AKT3: variants seen among roughly 807,000 people sequenced by gnomAD.
AKT3 encodes RAC-gamma serine/threonine-protein kinase.
In AKT3, 15 loss-of-function variants were observed where a neutral mutation model predicts 65.3. The observed-to-expected ratio is 0.23, with a 90% CI of 0.15 to 0.35. AKT3 has a LOEUF of 0.35. Among genes scored for constraint, AKT3 ranks in the 10% least tolerant of loss-of-function variants. The pLI, the probability that AKT3 is intolerant of heterozygous loss-of-function variation, is 1.00. For synonymous variants in AKT3, 206 were observed against 183.8 expected (o/e 1.12, Z -0.98); for missense variants, 243 against 576.5 (o/e 0.42, Z 5.92).
chr1:243,500,436 A>G lies in AKT3; in HGVS notation c.*4813T>C. The G allele has an allele frequency of 4.4e-6, 1 of 226,378 alleles. No individual in the cohort carries two copies. Among genetic ancestry groups the G allele is most frequent in the Non-Finnish European group, 8.8e-6 (1 of 113,938 alleles). 14.0% of individuals were successfully genotyped at this position (226,378 alleles called of 1,614,324 possible). ...TTTTCTTCAATACGCAGTATTTGAG[A>G]GGAGCCTAAAAACGTACTTAGTGAA... On this transcript the variant is annotated 3_prime_UTR_variant, in exon 14 of 14. Transcript: ENST00000673466.
At chr1:243,811,100 T>C (rs1382794036) in intron 2 of AKT3, among the ~76,000 whole-genome samples, 1 of 152,196 alleles carries the variant, frequency 6.6e-6, no homozygotes, top group Non-Finnish European at 1.5e-5. Context: ...AGCATTCCCT[T>C]TGAAAACTGG....
chr1:243,622,525 G>T (rs1678832026), intron 6 of AKT3, among the ~76,000 whole-genome samples: 1 of 152,090 alleles, frequency 6.6e-6, no homozygotes, highest in Admixed American at 6.6e-5. Flanking sequence ...TCGTTCAAAT[G>T]GTCCCAGTGC....
At position 243,564,260 on chromosome 1, in the gene AKT3, T is replaced by C. The variant is rs527312098; in HGVS notation, c.820-412A>G. ...TTCAACAATTTCTCCTGGGAATCTA[T>C]TGCTATTATAAAATATTCACTTACA... is the stretch of plus-strand genomic sequence containing the variant. On this transcript the variant is annotated intron_variant, in intron 9 of 13. Coordinates refer to ENST00000673466, the MANE Select transcript of AKT3 (RefSeq NM_005465.7). Among the ~76,000 whole-genome samples, 59 of 152,328 alleles carry C rather than the reference T, an allele frequency of 3.9e-4. No individual in the cohort carries two copies. In the South Asian group the frequency reaches 0.011, roughly 28 times the overall value.
chr1:243,633,008 TTTGC>T (rs1322329727), intron 6 of AKT3, among the ~76,000 whole-genome samples: 1 of 152,196 alleles, frequency 6.6e-6, no homozygotes, highest in Non-Finnish European at 1.5e-5. Flanking sequence ...ATGAGTCTGT[TTTGC>T]TTGCTTATCA....
At chr1:243,798,923 T>C (rs1692214316) in intron 2 of AKT3, among the ~76,000 whole-genome samples, 1 of 152,232 alleles carries the variant, frequency 6.6e-6, no homozygotes, top group Admixed American at 6.5e-5. Flanking sequence ...CTCCTCCTTT[T>C]AGATGACTTA....
chr1:243,587,768 G>A (rs576871517), intron 8 of AKT3, among the ~76,000 whole-genome samples: 3 of 152,006 alleles, frequency 2.0e-5, no homozygotes, highest in Non-Finnish European at 4.4e-5. Flanking sequence ...AATATAATAC[G>A]ATAAATTTCA....
At chr1:243,560,842 T>C (rs1208178229) in intron 10 of AKT3, among the ~76,000 whole-genome samples, 9 of 152,132 alleles carry the variant, frequency 5.9e-5, no homozygotes, top group Non-Finnish European at 1.2e-4. Context: ...GATGTATTCA[T>C]CTTCTTCAGA....
At chr1:243,850,581 C>T (rs1029633114), upstream of AKT3, among the ~76,000 whole-genome samples, 1 of 151,436 alleles carries the variant, frequency 6.6e-6, no homozygotes, top group African/African-American at 2.4e-5. Flanking sequence ...TCGGGGCCGC[C>T]GCCGATCGGT....
intron 2 of AKT3, among the ~76,000 whole-genome samples, chr1:243,716,119 A>C (rs1442465162): frequency 6.6e-6 from 1 of 152,172 alleles, no homozygotes; most frequent in Non-Finnish European, 1.5e-5. Flanking sequence ...ATATTTGCCA[A>C]GAATACATGA....
intron 2 of AKT3, among the ~76,000 whole-genome samples, chr1:243,786,801 C>T (rs1375560749): frequency 1.3e-5 from 2 of 152,066 alleles, no homozygotes; most frequent in African/African-American, 4.8e-5. Context: ...CTTGTTCTGC[C>T]CTTCCATCCA....
intron 3 of AKT3, among the ~76,000 whole-genome samples, chr1:243,679,309 C>T (rs894689410): frequency 6.6e-6 from 1 of 152,118 alleles, no homozygotes; most frequent in Non-Finnish European, 1.5e-5. Context: ...AGCCCCTAAA[C>T]TTTGCATTGC....
intron 2 of AKT3, among the ~76,000 whole-genome samples, chr1:243,760,206 A>G (rs1029024496): frequency 1.5e-4 from 23 of 150,020 alleles, no homozygotes; most frequent in African/African-American, 4.9e-4. Context: ...TGCAGCCTCA[A>G]CCTCCTGGGC....
intron 5 of AKT3, among the ~76,000 whole-genome samples, chr1:243,641,260 ATAT>A (rs902421055): frequency 3.0e-4 from 44 of 145,234 alleles, no homozygotes; most frequent in African/African-American, 1.1e-3. Flanking sequence ...GTGTGTGTGT[ATAT>A]ATATATATAT....
chr1:243,850,757 C>G (rs1016075915), upstream of AKT3, among the ~76,000 whole-genome samples: 2 of 150,688 alleles, frequency 1.3e-5, no homozygotes, highest in Non-Finnish European at 3.0e-5. Context: ...CCCGCGCCCC[C>G]AAACCAGCGG....
At chr1:243,849,606 C>A (rs1332994135) in intron 1 of AKT3, among the ~76,000 whole-genome samples, 1 of 152,074 alleles carries the variant, frequency 6.6e-6, no homozygotes, top group African/African-American at 2.4e-5. Context: ...TCGCCGCCGC[C>A]CCCGGTCCAG....
chr1:243,536,973 T>C (rs1220952338), intron 12 of AKT3, among the ~76,000 whole-genome samples: 1 of 152,180 alleles, frequency 6.6e-6, no homozygotes, highest in Non-Finnish European at 1.5e-5. Context: ...GCTTCACTTG[T>C]AAAGCAGTAG....
chr1:243,742,137 T>C (rs983240881), intron 2 of AKT3, among the ~76,000 whole-genome samples: 3 of 151,508 alleles, frequency 2.0e-5, no homozygotes, highest in Non-Finnish European at 4.4e-5. Flanking sequence ...TATAAGGGAC[T>C]TGAGCATCCT....
chr1:243,845,245 A>G (rs1178486791), intron 1 of AKT3, among the ~76,000 whole-genome samples: 25 of 151,552 alleles, frequency 1.6e-4, no homozygotes, highest in Non-Finnish European at 2.9e-5. Flanking sequence ...CACCAGCCTC[A>G]TGTATTATGA....
chr1:243,591,558 A>C (rs1298148024), intron 8 of AKT3, among the ~76,000 whole-genome samples: 1 of 152,224 alleles, frequency 6.6e-6, no homozygotes, highest in Non-Finnish European at 1.5e-5. Context: ...AATAACCTAT[A>C]ATCAGGAGAC....
Sources: gnomAD v4.1 joint callset for allele counts (sites outside exome capture counted in the v4.1 genomes callset) on GRCh38, gnomAD v4.1.1 for gene constraint, MANE v1.5 for transcripts, NCBI Gene and HGNC (gene_info 2026-07-23, HGNC 2026-07-21) for gene names.